Variants in NLGN1 observed in about 807,000 individuals in gnomAD.
NLGN1 encodes neuroligin-1.
Under a neutral mutation model 65.5 loss-of-function variants are expected in NLGN1, and 12 were observed. The ratio of observed to expected loss-of-function variants is 0.18; its 90% CI spans 0.12 to 0.30. The LOEUF is 0.30. Among genes scored for constraint, NLGN1 ranks in the 10% least tolerant of loss-of-function variants. The pLI is 1.00. For synonymous variants in NLGN1, 350 were observed against 359.5 expected (o/e 0.97, Z 0.30); for missense variants, 750 against 1,007.1 (o/e 0.74, Z 3.46).
intron 2 of NLGN1, among the ~76,000 whole-genome samples, chr3:173,547,179 A>C (rs1740012436): frequency 6.6e-6 from 1 of 152,172 alleles, no homozygotes; most frequent in Non-Finnish European, 1.5e-5. Context: ...ACTTCAGCGA[A>C]TATTAGTCTG....
chr3:173,784,817 A>T (rs796449843), intron 3 of NLGN1, among the ~76,000 whole-genome samples: 41 of 152,318 alleles, frequency 2.7e-4, no homozygotes, highest in African/African-American at 9.4e-4. Flanking sequence ...AGAAGCACAC[A>T]TCTGGCCAGA....
intron 3 of NLGN1, among the ~76,000 whole-genome samples, chr3:173,608,900 AT>A (rs541470164): frequency 4.7e-4 from 72 of 151,968 alleles, no homozygotes; most frequent in Non-Finnish European, 9.3e-4. Context: ...TTCAGTAATC[AT>A]TTAGTGAATA....
chr3:173,670,374 G>C (rs1433044635), intron 3 of NLGN1, among the ~76,000 whole-genome samples: 2 of 152,150 alleles, frequency 1.3e-5, no homozygotes, highest in Non-Finnish European at 2.9e-5. Flanking sequence ...ACAGTGATGT[G>C]TCATTCATTT....
At chr3:173,436,661 C>G (rs1718194837) in intron 2 of NLGN1, among the ~76,000 whole-genome samples, 1 of 152,180 alleles carries the variant, frequency 6.6e-6, no homozygotes, top group Admixed American at 6.5e-5. Flanking sequence ...ACCTTGACTT[C>G]TATAAGTTAC....
intron 4 of NLGN1, among the ~76,000 whole-genome samples, chr3:174,086,187 G>C (rs1251787822): frequency 7.8e-6 from 1 of 127,838 alleles, no homozygotes; most frequent in Non-Finnish European, 1.6e-5. Flanking sequence ...ATATATATGT[G>C]TGTGTGTGTG....
chr3:173,904,535 G>A (rs1269896660), intron 4 of NLGN1, among the ~76,000 whole-genome samples: 1 of 149,588 alleles, frequency 6.7e-6, no homozygotes, highest in African/African-American at 2.5e-5. Flanking sequence ...TTAGTTTCAA[G>A]TGCATAACCA....
At chr3:173,785,416 G>A (rs908661738) in intron 3 of NLGN1, among the ~76,000 whole-genome samples, 4 of 151,914 alleles carry the variant, frequency 2.6e-5, no homozygotes, top group Non-Finnish European at 5.9e-5. Context: ...GGTTGGGTTC[G>A]TTGTTTTATC....
intron 3 of NLGN1, among the ~76,000 whole-genome samples, chr3:173,732,872 T>C (rs1773075539): frequency 6.6e-6 from 1 of 152,058 alleles, no homozygotes; most frequent in Admixed American, 6.6e-5. Context: ...TTTGAAAGTT[T>C]CATGTATTAT....
chr3:173,990,618 A>G (rs1720891701), intron 4 of NLGN1, among the ~76,000 whole-genome samples: 1 of 152,158 alleles, frequency 6.6e-6, no homozygotes, highest in Middle Eastern at 3.2e-3. Context: ...TTTATTGGCA[A>G]CTTGATTATT....
chr3:174,228,235 G>A (rs1056922151), intron 4 of NLGN1, among the ~76,000 whole-genome samples: 11 of 151,936 alleles, frequency 7.2e-5, no homozygotes, highest in African/African-American at 2.4e-4. Flanking sequence ...AAACAACCTT[G>A]TTATTTGCCA....
rs143720001 is a variant in NLGN1 at position 173,487,219 on chromosome 3, G to T, written c.-321+52141G>T. Among the ~76,000 whole-genome samples, 1,374 of 152,016 alleles carry T rather than the reference G, an allele frequency of 9.0e-3. 24 individuals carry two copies. The highest frequency in any genetic ancestry group is 0.032 in the African/African-American group (1,324 of 41,490). On this transcript the variant is annotated intron_variant, in intron 2 of 6. Coordinates refer to ENST00000457714, the Ensembl canonical transcript of NLGN1. The stretch of plus-strand genomic sequence containing the variant: ...AAAACATATATGGTGTTCTCACCAC[G>T]TCAAACATGTATATTTATTATTTCT...
At chr3:173,424,570 A>G (rs1715743589) in intron 1 of NLGN1, among the ~76,000 whole-genome samples, 1 of 152,214 alleles carries the variant, frequency 6.6e-6, no homozygotes, top group South Asian at 2.1e-4. Flanking sequence ...CTTCCAGCAG[A>G]TACCCTAAAT....
chr3:174,017,518 G>A (rs886984480), intron 4 of NLGN1, among the ~76,000 whole-genome samples: 1 of 152,032 alleles, frequency 6.6e-6, no homozygotes, highest in Non-Finnish European at 1.5e-5. Flanking sequence ...GTTCTTTCAG[G>A]GGAACCTGCC....
chr3:173,471,915 C>A (rs1725379000), intron 2 of NLGN1, among the ~76,000 whole-genome samples: 1 of 152,050 alleles, frequency 6.6e-6, no homozygotes, highest in African/African-American at 2.4e-5. Flanking sequence ...CTGAAGCAGG[C>A]AGGTTTGCAA....
chr3:174,235,576 T>C (rs1561354862), intron 4 of NLGN1, among the ~76,000 whole-genome samples: 1 of 152,102 alleles, frequency 6.6e-6, no homozygotes, highest in Non-Finnish European at 1.5e-5. Context: ...TCCTAAGACA[T>C]AGAAAAAGTA....
intron 2 of NLGN1, among the ~76,000 whole-genome samples, chr3:173,496,229 G>T (rs907911665): frequency 2.0e-5 from 3 of 151,712 alleles, no homozygotes; most frequent in African/African-American, 7.3e-5. Flanking sequence ...GAGTGTCTGT[G>T]TTGTGGCTGC....
At chr3:173,628,606 T>A (rs2149530316) in intron 3 of NLGN1, among the ~76,000 whole-genome samples, 1 of 152,260 alleles carries the variant, frequency 6.6e-6, no homozygotes, top group East Asian at 1.9e-4. Context: ...CCATCTTTTT[T>A]TTTTAAGTAG....
intron 1 of NLGN1, among the ~76,000 whole-genome samples, chr3:173,433,297 A>G (rs1334752381): frequency 6.6e-6 from 1 of 152,066 alleles, no homozygotes; most frequent in Non-Finnish European, 1.5e-5. Context: ...TCTATGTCTG[A>G]ACTTGCCTCT....
chr3:173,635,948 G>A lies in NLGN1; in HGVS notation c.493+30857G>A, dbSNP rs550996704. The stretch of plus-strand genomic sequence containing the variant: ...AAGAAGATAGTGATCAAGAACACTC[G>A]GCAGGCTCCTTATGTGCAGTTCCAC... On this transcript the variant is annotated intron_variant, in intron 3 of 6. Coordinates refer to ENST00000457714, the Ensembl canonical transcript of NLGN1. 5.3e-5 allele frequency among the ~76,000 whole-genome samples: 8 copies of A among 152,076 alleles called. No homozygotes were observed. The South Asian group carries it at 1.5e-3, about 28-fold the overall frequency.
Sources: allele counts gnomAD v4.1 joint callset (sites outside exome capture counted in the v4.1 genomes callset), GRCh38; gene constraint gnomAD v4.1.1; transcripts MANE v1.5; gene names NCBI Gene and HGNC (gene_info 2026-07-23, HGNC 2026-07-21).